The following ADGRL3 variants were observed in gnomAD, a reference collection of about 807,000 sequenced individuals.
ADGRL3 encodes calcium-independent alpha-latrotoxin receptor 3.
A neutral mutation model predicts 153.5 loss-of-function variants in ADGRL3; 62 were observed. That is an observed-to-expected ratio of 0.40 (90% confidence interval 0.33 to 0.50). The LOEUF (loss-of-function observed/expected upper bound fraction) is 0.50. Among genes scored for constraint, ADGRL3 ranks in the 20% least tolerant of loss-of-function variants. The pLI is 0.47. For synonymous variants in ADGRL3, 710 were observed against 672.5 expected (o/e 1.06, Z -0.86); for missense variants, 1,641 against 1,859.4 (o/e 0.88, Z 2.16).
intron 9 of ADGRL3, among the ~76,000 whole-genome samples, chr4:61,869,493 G>A (rs887082537): frequency 7.9e-5 from 12 of 151,966 alleles, no homozygotes; most frequent in African/African-American, 2.7e-4. Context: ...AGCTACTCGG[G>A]AGGCTGAGGC....
At chr4:61,621,291 T>A (rs2092492817) in intron 5 of ADGRL3, among the ~76,000 whole-genome samples, 2 of 152,158 alleles carry the variant, frequency 1.3e-5, no homozygotes, top group African/African-American at 4.8e-5. Flanking sequence ...ACAATGAAAT[T>A]ATCACAGATA....
chr4:61,904,189 A>AAC (rs2098682893), intron 11 of ADGRL3, among the ~76,000 whole-genome samples: 1 of 151,642 alleles, frequency 6.6e-6, no homozygotes, highest in Admixed American at 6.6e-5. Context: ...AAAAAAAAAA[A>AAC]AAAACACTTC....
intron 5 of ADGRL3, among the ~76,000 whole-genome samples, chr4:61,645,331 A>G (rs1033404435): frequency 2.0e-5 from 3 of 151,224 alleles, no homozygotes; most frequent in African/African-American, 7.3e-5. Flanking sequence ...TGTCATTATG[A>G]TGTTAGCTGG....
intron 2 of ADGRL3, among the ~76,000 whole-genome samples, chr4:61,422,843 G>T (rs1460276748): frequency 6.6e-6 from 1 of 151,626 alleles, no homozygotes; most frequent in Non-Finnish European, 1.5e-5. Context: ...TTAGAAATAT[G>T]TATGATTAAG....
chr4:61,609,299 A>G (rs77797448), intron 5 of ADGRL3, among the ~76,000 whole-genome samples: 1 of 152,158 alleles, frequency 6.6e-6, no homozygotes, highest in Non-Finnish European at 1.5e-5. Flanking sequence ...TCCTAAAAAA[A>G]TAAAGTTTAA....
At chr4:61,425,719 A>T (rs769934270) in intron 2 of ADGRL3, among the ~76,000 whole-genome samples, 8 of 152,184 alleles carry the variant, frequency 5.3e-5, no homozygotes, top group Non-Finnish European at 1.2e-4. Flanking sequence ...TGTCCCACAG[A>T]GGAGGGTTCC....
At chr4:61,907,478 C>T (rs971179912) in intron 11 of ADGRL3, among the ~76,000 whole-genome samples, 2 of 151,806 alleles carry the variant, frequency 1.3e-5, no homozygotes, top group Non-Finnish European at 2.9e-5. Context: ...AAGCTGGCCT[C>T]GAACTCCTGA....
intron 9 of ADGRL3, among the ~76,000 whole-genome samples, chr4:61,872,999 G>A (rs1476451006): frequency 1.3e-5 from 2 of 152,170 alleles, no homozygotes; most frequent in Non-Finnish European, 2.9e-5. Context: ...GCATGTTAAT[G>A]ATGTGAATCT....
chr4:61,743,339 A>AG (rs2096607481), intron 8 of ADGRL3, among the ~76,000 whole-genome samples: 1 of 145,052 alleles, frequency 6.9e-6, no homozygotes, highest in African/African-American at 2.7e-5. Flanking sequence ...AAAAAAAAAA[A>AG]AAAAAAAGAA....
At chr4:61,907,085 A>T (rs1011067294) in intron 11 of ADGRL3, among the ~76,000 whole-genome samples, 2 of 152,104 alleles carry the variant, frequency 1.3e-5, no homozygotes, top group Non-Finnish European at 2.9e-5. Flanking sequence ...AGGGGTTCAG[A>T]TCCAGACCCC....
intron 4 of ADGRL3, among the ~76,000 whole-genome samples, chr4:61,565,986 A>G (rs1025738988): frequency 6.6e-6 from 1 of 152,192 alleles, no homozygotes; most frequent in African/African-American, 2.4e-5. Context: ...TCCAATTTAC[A>G]GTTGTGAAAG....
intron 4 of ADGRL3, among the ~76,000 whole-genome samples, chr4:61,554,385 G>A (rs1189941378): frequency 2.6e-5 from 4 of 151,660 alleles, no homozygotes; most frequent in Admixed American, 1.3e-4. Context: ...TAGTAGATAC[G>A]GGGTTTCACA....
chr4:61,568,219 A>G (rs1468056529), intron 4 of ADGRL3, among the ~76,000 whole-genome samples: 2 of 152,084 alleles, frequency 1.3e-5, no homozygotes, highest in Non-Finnish European at 2.9e-5. Context: ...CCCCACATCA[A>G]ATATCTATAA....
chr4:61,233,123 A>G (rs1287068576), intron 1 of ADGRL3, among the ~76,000 whole-genome samples: 4 of 152,230 alleles, frequency 2.6e-5, no homozygotes, highest in African/African-American at 4.8e-5. Flanking sequence ...ATTTGATTAC[A>G]TTAGTGAAAA....
At chr4:61,860,678 T>C (rs1479870929) in intron 9 of ADGRL3, among the ~76,000 whole-genome samples, 2 of 152,188 alleles carry the variant, frequency 1.3e-5, no homozygotes, top group Non-Finnish European at 2.9e-5. Flanking sequence ...AAATGCCTCA[T>C]TCCAGTGCAG....
intron 25 of ADGRL3, among the ~76,000 whole-genome samples, chr4:62,060,761 T>G (rs563350163): frequency 6.6e-6 from 1 of 152,026 alleles, no homozygotes; most frequent in African/African-American, 2.4e-5. Flanking sequence ...GAACTCTTTT[T>G]TTTCTCATAA....
chr4:61,341,371 T>C (rs2095804655), intron 1 of ADGRL3, among the ~76,000 whole-genome samples: 1 of 151,868 alleles, frequency 6.6e-6, no homozygotes, highest in African/African-American at 2.4e-5. Flanking sequence ...TATAAAGATA[T>C]CAGAGTACAG....
chr4:61,671,300 T>G (rs1013012188), intron 5 of ADGRL3, among the ~76,000 whole-genome samples: 1 of 152,180 alleles, frequency 6.6e-6, no homozygotes, highest in Non-Finnish European at 1.5e-5. Context: ...CATGTTGAAA[T>G]GGACAAATTA....
intron 2 of ADGRL3, among the ~76,000 whole-genome samples, chr4:61,422,878 GT>G (rs1300578812): frequency 4.0e-5 from 6 of 151,842 alleles, no homozygotes; most frequent in Non-Finnish European, 7.4e-5. Context: ...CATATAAATG[GT>G]GGGTTGCTAT....
Sources: allele counts gnomAD v4.1 joint callset (sites outside exome capture counted in the v4.1 genomes callset), GRCh38; gene constraint gnomAD v4.1.1; transcripts MANE v1.5; gene names NCBI Gene and HGNC (gene_info 2026-07-23, HGNC 2026-07-21).